The following SASH1 variants were observed in gnomAD, a reference collection of about 807,000 sequenced individuals.
SASH1 encodes SAM and SH3 domain-containing protein 1.
SASH1 carries 44 observed loss-of-function variants against 125.2 expected under a neutral mutation model. The ratio of observed to expected loss-of-function variants is 0.35; its 90% confidence interval spans 0.28 to 0.45. SASH1 has a LOEUF of 0.45. SASH1 is among the 20% of genes least tolerant of loss of function. SASH1 has a pLI of 1.00. For synonymous variants in SASH1, 639 were observed against 649.1 expected (o/e 0.98, Z 0.24); for missense variants, 1,426 against 1,614.5 (o/e 0.88, Z 2.00).
At chr6:148,338,478 C>T (rs114568354), upstream of SASH1, among the ~76,000 whole-genome samples, 531 of 151,574 alleles carry the variant, frequency 3.5e-3, 3 homozygotes, top group African/African-American at 0.012. Flanking sequence ...TACTTTGATT[C>T]TGCCCCATGT....
chr6:148,373,742 G>C (rs985337398), intron 1 of SASH1, among the ~76,000 whole-genome samples: 2 of 152,118 alleles, frequency 1.3e-5, no homozygotes, highest in African/African-American at 4.8e-5. Context: ...GGCCAAGGTG[G>C]GGGGGATCAC....
At chr6:148,496,586 A>T (rs543425134) in intron 8 of SASH1, among the ~76,000 whole-genome samples, 2 of 152,262 alleles carry the variant, frequency 1.3e-5, no homozygotes, top group South Asian at 4.1e-4. Context: ...TCTACATGTA[A>T]CTATGTTAAA....
chr6:148,286,060 C>G (rs1229785231), intron 1 of SASH1, among the ~76,000 whole-genome samples: 1 of 152,046 alleles, frequency 6.6e-6, no homozygotes, highest in African/African-American at 2.4e-5. Flanking sequence ...GTACCTTTCT[C>G]TAAAAAGTGC....
intron 8 of SASH1, among the ~76,000 whole-genome samples, chr6:148,499,065 T>TTG (rs1554264915): frequency 1.3e-5 from 2 of 150,412 alleles, no homozygotes; most frequent in Non-Finnish European, 3.0e-5. Context: ...TTGTTTTTTT[T>TTG]TTTTTTTTTG....
the SASH1 span, among the ~76,000 whole-genome samples, chr6:148,240,632 T>C: frequency 1.3e-5 from 2 of 152,154 alleles, no homozygotes; most frequent in African/African-American, 4.8e-5. Flanking sequence ...TGCTGGTGGG[T>C]GGCTGTCCCT....
At chr6:148,416,205 T>A (rs1784808665) in intron 2 of SASH1, among the ~76,000 whole-genome samples, 1 of 152,234 alleles carries the variant, frequency 6.6e-6, no homozygotes, top group Non-Finnish European at 1.5e-5. Flanking sequence ...TTCCCTCCTG[T>A]TCCTCTTGAA....
At chr6:148,212,396 G>A in the SASH1 span, among the ~76,000 whole-genome samples, 1,684 of 152,282 alleles carry the variant, frequency 0.011, 32 homozygotes, top group African/African-American at 0.039. Context: ...GGACCTTGGG[G>A]GCTGAAGAAA....
At chr6:148,522,696 C>G (rs1780893487) in intron 10 of SASH1, among the ~76,000 whole-genome samples, 1 of 152,202 alleles carries the variant, frequency 6.6e-6, no homozygotes, top group African/African-American at 2.4e-5. Flanking sequence ...CTCCTCATCC[C>G]AAGCATCTAT....
chr6:148,440,099 C>T, intron 2 of SASH1, 85 bp from the exon 3 acceptor site: 2 of 1,290,196 alleles, frequency 1.6e-6, no homozygotes, highest in South Asian at 2.4e-5. Flanking sequence ...CCCGAATCCT[C>T]CCCTCTCTTC....
At chr6:148,497,470 A>G (rs534692250) in intron 8 of SASH1, among the ~76,000 whole-genome samples, 2 of 152,354 alleles carry the variant, frequency 1.3e-5, no homozygotes, top group East Asian at 3.9e-4. Context: ...GAGACTGGTT[A>G]AGCTCAGACT....
intron 8 of SASH1, among the ~76,000 whole-genome samples, chr6:148,496,653 A>G (rs1325268042): frequency 6.6e-6 from 1 of 152,194 alleles, no homozygotes; most frequent in Non-Finnish European, 1.5e-5. Context: ...GCACTTTGGG[A>G]CGCTGAGGCA....
At chr6:148,206,957 T>C in the SASH1 span, among the ~76,000 whole-genome samples, 2 of 152,134 alleles carry the variant, frequency 1.3e-5, no homozygotes, top group African/African-American at 4.8e-5. Flanking sequence ...ATTGGGTCAA[T>C]CCCTAGCACA....
chr6:148,222,400 CTCTCTGCAGGCTCCTA>C, the SASH1 span, among the ~76,000 whole-genome samples: 1 of 152,168 alleles, frequency 6.6e-6, no homozygotes, highest in Non-Finnish European at 1.5e-5. Flanking sequence ...AGGTACTCCT[CTCTCTGCAGGCTCCTA>C]AGCTGGAAAG....
intron 2 of SASH1, among the ~76,000 whole-genome samples, chr6:148,407,360 C>T (rs1041969233): frequency 2.0e-5 from 3 of 152,076 alleles, no homozygotes; most frequent in Non-Finnish European, 4.4e-5. Context: ...TTTTTTTTCA[C>T]TTAGCTTTAT....
chr6:148,260,796 CTTTTTTTT>C, the SASH1 span, among the ~76,000 whole-genome samples: 31,927 of 104,016 alleles, frequency 0.31, 4,332 homozygotes, highest in Middle Eastern at 0.42. Context: ...CCTATAAGGG[CTTTTTTTT>C]TTTTTTTTTT....
chr6:148,272,194 G>C (rs1402317976), upstream of SASH1: 3 of 273,300 alleles, frequency 1.1e-5, no homozygotes, highest in Non-Finnish European at 2.5e-5. Context: ...AAGGCGATTT[G>C]TTTTAAAGTT....
chr6:148,391,436 A>AG (rs1783726203), intron 2 of SASH1, among the ~76,000 whole-genome samples: 1 of 151,876 alleles, frequency 6.6e-6, no homozygotes, highest in African/African-American at 2.4e-5. Context: ...AAAAAAAAAA[A>AG]AAAAAAAAAT....
rs907814065 is a variant in SASH1, at chr6:148,509,530, G to A, written c.730-4794G>A. On this transcript the variant is annotated intron_variant, in intron 8 of 19. Transcript: ENST00000367467. ...GCACAGTTGTAATCCTGTGATCAGC[G>A]TGGTGGTCTCAAGCGGTCCTCCAAA... Among the ~76,000 whole-genome samples the A allele has an allele frequency of 9.2e-5, 14 of 152,208 alleles. 1 individual carries two copies. The highest frequency in any genetic ancestry group is 2.9e-4 in the African/African-American group (12 of 41,456).
intron 1 of SASH1, among the ~76,000 whole-genome samples, chr6:148,366,062 G>A (rs189262842): frequency 1.2e-4 from 18 of 152,012 alleles, no homozygotes; most frequent in East Asian, 9.7e-4. Context: ...GCGGTGAGCC[G>A]AGGTGGCACC....
Sources: allele counts gnomAD v4.1 joint callset (sites outside exome capture counted in the v4.1 genomes callset), GRCh38; gene constraint gnomAD v4.1.1; transcripts MANE v1.5; gene names NCBI Gene and HGNC (gene_info 2026-07-23, HGNC 2026-07-21).